Variants in CDH23 observed in about 807,000 individuals in gnomAD.
CDH23 encodes cadherin-23.
A neutral mutation model predicts 317.1 loss-of-function variants in CDH23; 189 were observed. The observed-to-expected ratio is 0.60, with a 90% CI of 0.53 to 0.67. CDH23 has a LOEUF of 0.67. CDH23 is among the 30% of genes least tolerant of loss of function. The pLI, the probability that CDH23 is intolerant of heterozygous loss-of-function variation, is 0.00. For synonymous variants in CDH23, 1,839 were observed against 1,876.8 expected (o/e 0.98, Z 0.52); for missense variants, 4,401 against 4,592.4 (o/e 0.96, Z 1.20).
intron 11 of CDH23, among the ~76,000 whole-genome samples, chr10:71,628,185 A>AGAG (rs1261212811): frequency 6.6e-6 from 1 of 152,230 alleles, no homozygotes; most frequent in Non-Finnish European, 1.5e-5. Flanking sequence ...TCAACAAGTA[A>AGAG]GAGGAACTGC....
chr10:71,495,324 G>A (rs993521501), intron 3 of CDH23, among the ~76,000 whole-genome samples: 2 of 152,116 alleles, frequency 1.3e-5, no homozygotes, highest in African/African-American at 2.4e-5. Context: ...CTCCTTCGCG[G>A]CAGGAGGGTG....
intron 2 of CDH23, among the ~76,000 whole-genome samples, chr10:71,444,913 T>G (rs1469915809): frequency 1.3e-5 from 2 of 152,224 alleles, no homozygotes; most frequent in African/African-American, 2.4e-5. Context: ...CTAGACCAGC[T>G]GCCTCCTGGT....
At chr10:71,468,430 G>C (rs553297509) in intron 3 of CDH23, among the ~76,000 whole-genome samples, 14 of 152,290 alleles carry the variant, frequency 9.2e-5, no homozygotes, top group African/African-American at 3.4e-4. Flanking sequence ...TGGCTTACCA[G>C]GCCAGGCCAT....
At chr10:71,787,290 C>T (rs1210034179) in intron 44 of CDH23, among the ~76,000 whole-genome samples, 8 of 148,922 alleles carry the variant, frequency 5.4e-5, no homozygotes, top group Non-Finnish European at 1.0e-4. Context: ...CAACCCAGGT[C>T]TTTGAACCCT....
At chr10:71,467,545 A>G (rs1310693249) in intron 3 of CDH23, among the ~76,000 whole-genome samples, 1 of 152,140 alleles carries the variant, frequency 6.6e-6, no homozygotes, top group Non-Finnish European at 1.5e-5. Flanking sequence ...GGTGGGAGGC[A>G]GTGCGCCATA....
intron 6 of CDH23, among the ~76,000 whole-genome samples, chr10:71,530,313 G>A (rs772943435): frequency 1.6e-4 from 25 of 152,188 alleles, no homozygotes; most frequent in Non-Finnish European, 2.6e-4. Context: ...CACCTTTCCC[G>A]GCTCTGTCTG....
intron 3 of CDH23, among the ~76,000 whole-genome samples, chr10:71,453,505 A>T (rs1280849072): frequency 6.6e-6 from 1 of 152,218 alleles, no homozygotes; most frequent in Non-Finnish European, 1.5e-5. Flanking sequence ...ACGAGCATAG[A>T]TGCTGGCAGG....
intron 3 of CDH23, among the ~76,000 whole-genome samples, chr10:71,507,538 G>A (rs57768508): frequency 3.3e-5 from 5 of 152,062 alleles, no homozygotes; most frequent in East Asian, 1.9e-4. Flanking sequence ...CTAAAACTAC[G>A]AAAAATTAGC....
At chr10:71,576,046 G>C (rs1382387570) in intron 8 of CDH23, among the ~76,000 whole-genome samples, 5 of 152,194 alleles carry the variant, frequency 3.3e-5, no homozygotes, top group Admixed American at 6.5e-5. Flanking sequence ...CTGGAGAACC[G>C]ACTGGCCTCC....
intron 41 of CDH23, among the ~76,000 whole-genome samples, chr10:71,782,604 C>A (rs961561682): frequency 2.0e-5 from 3 of 152,232 alleles, no homozygotes; most frequent in African/African-American, 7.2e-5. Flanking sequence ...CACAGGGGAA[C>A]TAGGCTGGCC....
intron 6 of CDH23, among the ~76,000 whole-genome samples, chr10:71,533,885 G>T (rs546167405): frequency 6.6e-6 from 1 of 152,054 alleles, no homozygotes; most frequent in South Asian, 2.1e-4. Context: ...CTAGGAAAGA[G>T]ATCTCATCCC....
At chr10:71,784,153 A>AG (rs1841032645) in intron 41 of CDH23, 134 bp from the exon 42 acceptor site, 1 of 842,866 alleles carries the variant, frequency 1.2e-6, no homozygotes, top group South Asian at 2.0e-5. Context: ...AGCTGGGGTC[A>AG]CTGGAGGACC....
chr10:71,739,965 C>G (rs977393045), intron 36 of CDH23, among the ~76,000 whole-genome samples, 193 bp downstream of exon 36: 4 of 152,178 alleles, frequency 2.6e-5, no homozygotes, highest in Non-Finnish European at 5.9e-5. Context: ...GATAGGGAAA[C>G]CTGGGAGGGA....
intron 3 of CDH23, among the ~76,000 whole-genome samples, chr10:71,469,372 T>C (rs1191102754): frequency 6.6e-6 from 1 of 152,224 alleles, no homozygotes; most frequent in East Asian, 1.9e-4. Flanking sequence ...TCTCCAGAAC[T>C]TTACGTACAT....
chr10:71,451,087 C>T (rs936762647), intron 3 of CDH23, among the ~76,000 whole-genome samples: 1 of 152,158 alleles, frequency 6.6e-6, no homozygotes, highest in Non-Finnish European at 1.5e-5. Context: ...GGACTCATTC[C>T]TGTGCCTCTT....
rs761692464 is a variant in CDH23 at position 71,812,458 on chromosome 10, C to G, written c.9381-22C>G. 12 of 1,612,560 alleles carry G rather than the reference C, an allele frequency of 7.4e-6. No homozygotes were observed. In the East Asian group the frequency reaches 2.2e-4, roughly 30 times the overall value. On this transcript the variant is annotated intron_variant, in intron 66 of 69. Transcript: ENST00000224721. ...ACTCGAGCCTTCCCTCCCTCCCCAC[C>G]CTTTTCCCTCCCCAACTGCAGAGCC...
intron 41 of CDH23, among the ~76,000 whole-genome samples, chr10:71,782,932 A>G (rs1840995194): frequency 6.6e-6 from 1 of 152,184 alleles, no homozygotes; most frequent in Non-Finnish European, 1.5e-5. Context: ...TTTGTACATC[A>G]GAGTGTTAGG....
intron 3 of CDH23, among the ~76,000 whole-genome samples, chr10:71,482,605 G>T (rs1852127786): frequency 6.6e-6 from 1 of 152,206 alleles, no homozygotes; most frequent in Admixed American, 6.5e-5. Flanking sequence ...GACCACCTGT[G>T]GGGGCACTGG....
chr10:71,733,887 A>G (rs1839472716), intron 32 of CDH23, among the ~76,000 whole-genome samples: 1 of 152,256 alleles, frequency 6.6e-6, no homozygotes, highest in Admixed American at 6.5e-5. Flanking sequence ...GGACACAAAG[A>G]TGAACAAGAC....
Sources: gnomAD v4.1 joint callset for allele counts (sites outside exome capture counted in the v4.1 genomes callset) on GRCh38, gnomAD v4.1.1 for gene constraint, MANE v1.5 for transcripts, NCBI Gene and HGNC (gene_info 2026-07-23, HGNC 2026-07-21) for gene names.